TCP11L1: variants seen among roughly 807,000 people sequenced by gnomAD.
The protein encoded by TCP11L1 is t-complex 11 like 1, also known as T-complex protein 11-like protein 1.
Under a neutral mutation model 48.9 loss-of-function variants are expected in TCP11L1, and 28 were observed. That is an observed-to-expected ratio of 0.57 (90% CI 0.42 to 0.78). TCP11L1 has a LOEUF of 0.78. Among genes scored for constraint, TCP11L1 ranks in the 30% least tolerant of loss-of-function variants. The probability of loss-of-function intolerance (pLI) is 0.00; values close to 1 mark genes in which losing one functional copy is unlikely to be tolerated. For missense variants in TCP11L1, 505 were observed against 613.4 expected, an observed-to-expected ratio of 0.82 and a Z score of 1.87; for synonymous variants, 204 against 231.9, an observed-to-expected ratio of 0.88 and a Z score of 1.09.
intron 6 of TCP11L1, among the ~76,000 whole-genome samples, chr11:33,059,753 G>A (rs945966884): frequency 2.0e-5 from 3 of 152,162 alleles, no homozygotes; most frequent in Non-Finnish European, 4.4e-5. Context: ...GGGTTGGTTG[G>A]GTTGCCTGAC....
Position 33,072,972 on chromosome 11 carries a change from A to G in TCP11L1, c.*296A>G. The G allele has an allele frequency of 1.0e-5, 4 of 385,858 alleles. No homozygotes were observed. The highest frequency in any genetic ancestry group is 1.9e-5 in the Non-Finnish European group (4 of 206,052). The allele number at this position is 385,858 out of a possible 1,614,324, so 23.9% of individuals were successfully genotyped here. A position where few individuals can be genotyped will look rare whatever the true frequency, so the allele number is the denominator to read the frequency against. ...ACTCCTCCCCCATCATGTCCTTCCA[A>G]GGAGGCTGGGACCTCTCTCTTCTGC... is the stretch of plus-strand genomic sequence containing the variant. On this transcript the variant is annotated 3_prime_UTR_variant, in exon 10 of 10. Coordinates refer to ENST00000334274, the MANE Select transcript of TCP11L1 (RefSeq NM_018393.4).
At chr11:33,042,140 T>G (rs1337933462) in intron 1 of TCP11L1, among the ~76,000 whole-genome samples, 7 of 152,188 alleles carry the variant, frequency 4.6e-5, no homozygotes, top group Non-Finnish European at 1.0e-4. Context: ...GTTTGTTTGT[T>G]TGTTTGTTTA....
intron 8 of TCP11L1, among the ~76,000 whole-genome samples, chr11:33,067,627 T>C (rs1402930493): frequency 6.6e-6 from 1 of 152,210 alleles, no homozygotes; most frequent in African/African-American, 2.4e-5. Flanking sequence ...AGTGCTTTCT[T>C]GGGAGCCCAG....
At chr11:33,066,711 T>G (rs1022602683) in intron 8 of TCP11L1, among the ~76,000 whole-genome samples, 8 of 152,180 alleles carry the variant, frequency 5.3e-5, no homozygotes, top group African/African-American at 1.9e-4. Flanking sequence ...GTTCTTGTGT[T>G]TGTTTGTTGA....
intron 7 of TCP11L1, among the ~76,000 whole-genome samples, chr11:33,062,333 T>C (rs911122652): frequency 7.1e-6 from 1 of 141,024 alleles, no homozygotes; most frequent in South Asian, 2.6e-4. Context: ...GCCACAGATC[T>C]GCTTTCTGTC....
chr11:33,065,531 G>A (rs989847319), intron 7 of TCP11L1, among the ~76,000 whole-genome samples: 9 of 152,214 alleles, frequency 5.9e-5, no homozygotes, highest in Admixed American at 5.2e-4. Context: ...CCAAAGCGCT[G>A]GGATTACAGG....
In TCP11L1 at chr11:33,057,218, G is replaced by A. The variant is rs1564981035; in HGVS notation, c.400G>A (p.Val134Ile). ...PPAYDHAIKL[V>I]GEIKETLLSF... ...AGCATATGACCATGCTATCAAACTT[G>A]TAGGAGAAATCAAAGAGGTGAGGCA... The change falls in exon 4 of 10, where the codon GTA (valine) becomes ATA (isoleucine). Residue 134 changes from valine (V) to isoleucine (I), a missense_variant. Physicochemically the swap from Val to Ile is conservative, Grantham distance 29. This residue lies in a region of TCP11L1 where 168 missense variants were observed against 183.5 expected (regional missense o/e 0.92). Transcript: ENST00000334274. 3 of 1,614,076 alleles carry A rather than the reference G, an allele frequency of 1.9e-6. No individual in the cohort carries two copies. The highest frequency in any genetic ancestry group is 1.1e-5 in the South Asian group (1 of 91,086).
At chr11:33,049,546 T>C (rs1027400283) in intron 2 of TCP11L1, among the ~76,000 whole-genome samples, 1 of 151,952 alleles carries the variant, frequency 6.6e-6, no homozygotes, top group Non-Finnish European at 1.5e-5. Context: ...AGGACAATAG[T>C]GTAATAGTGG....
rs190171889 is a variant in TCP11L1 at position 33,054,862 on chromosome 11, C to T, written c.296+137C>T. On this transcript the variant is annotated intron_variant, in intron 3 of 9. Transcript: ENST00000334274. ...ATTATTGCTAAAAAATATTCCTGAA[C>T]AAGGAACAACCTAAAAATCAAATAA... 1.7e-5 allele frequency: 19 copies of T among 1,110,486 alleles called. No individual in the cohort carries two copies. In the East Asian group the frequency reaches 3.0e-4, roughly 17 times the overall value. The allele number at this position is 1,110,486 out of a possible 1,614,324, so 68.8% of individuals were successfully genotyped here. A position where few individuals can be genotyped will look rare whatever the true frequency, so the allele number is the denominator to read the frequency against.
intron 2 of TCP11L1, among the ~76,000 whole-genome samples, chr11:33,049,483 C>T (rs145608759): frequency 0.012 from 1,882 of 152,130 alleles, 46 homozygotes; most frequent in African/African-American, 0.042. Flanking sequence ...TCTCTGAGTT[C>T]CCTCAGTATT....
At chr11:33,042,658 C>T (rs916158840) in intron 1 of TCP11L1, among the ~76,000 whole-genome samples, 3 of 152,274 alleles carry the variant, frequency 2.0e-5, no homozygotes, top group South Asian at 2.1e-4. Flanking sequence ...TTCTGTAGGG[C>T]GCAGTGGCTC....
intron 9 of TCP11L1, among the ~76,000 whole-genome samples, 183 bp from the exon 10 acceptor site, chr11:33,072,291 G>T (rs1336370918): frequency 6.6e-6 from 1 of 152,220 alleles, no homozygotes; most frequent in Non-Finnish European, 1.5e-5. Flanking sequence ...ATCTAGAGGG[G>T]AGAGAAAACA....
chr11:33,061,955 G>A (rs879819714), intron 7 of TCP11L1, among the ~76,000 whole-genome samples: 1 of 152,060 alleles, frequency 6.6e-6, no homozygotes, highest in Admixed American at 6.6e-5. Context: ...GGTAGCAGGG[G>A]CCTGTAGCCC....
intron 2 of TCP11L1, among the ~76,000 whole-genome samples, chr11:33,050,904 C>T (rs889667541): frequency 6.6e-6 from 1 of 151,832 alleles, no homozygotes. Flanking sequence ...ACTTCTGCCT[C>T]CTGGGCTTAA....
intron 1 of TCP11L1, among the ~76,000 whole-genome samples, chr11:33,041,493 A>G (rs201497179): frequency 2.0e-5 from 3 of 152,188 alleles, no homozygotes; most frequent in African/African-American, 7.2e-5. Context: ...GCTCACGCCT[A>G]TAATCCCAGC....
intron 2 of TCP11L1, among the ~76,000 whole-genome samples, chr11:33,051,503 A>T (rs1343124034): frequency 6.6e-6 from 1 of 152,054 alleles, no homozygotes; most frequent in East Asian, 1.9e-4. Flanking sequence ...CCATTTGATT[A>T]AAAACAAACA....
intron 8 of TCP11L1, 121 bp downstream of exon 8, chr11:33,066,132 A>T: frequency 7.7e-7 from 1 of 1,293,438 alleles, no homozygotes; most frequent in Non-Finnish European, 1.1e-6. Flanking sequence ...AACTGAGAAG[A>T]AACCTTGCTG....
chr11:33,058,180 C>A, intron 5 of TCP11L1, 41 bp downstream of exon 5: 1 of 1,511,784 alleles, frequency 6.6e-7, no homozygotes, highest in Non-Finnish European at 8.9e-7. Context: ...AACTACAATT[C>A]AGAGGCATTT....
chr11:33,055,866 G>C (rs1380491034), intron 3 of TCP11L1, among the ~76,000 whole-genome samples: 1 of 152,182 alleles, frequency 6.6e-6, no homozygotes, highest in Non-Finnish European at 1.5e-5. Context: ...CGCCCAAGCT[G>C]GAGTACAGTG....
Sources: allele counts gnomAD v4.1 joint callset (sites outside exome capture counted in the v4.1 genomes callset), GRCh38; gene constraint gnomAD v4.1.1; regional missense constraint gnomAD v4.1.1; transcripts MANE v1.5; gene names NCBI Gene and HGNC (gene_info 2026-07-23, HGNC 2026-07-21).